MOXD1: variants seen among roughly 807,000 people sequenced by gnomAD.
The protein encoded by MOXD1 is monooxygenase DBH like 1.
Under a neutral mutation model 66.6 loss-of-function variants are expected in MOXD1, and 62 were observed. The observed-to-expected ratio is 0.93, with a 90% CI of 0.76 to 1.15. The LOEUF (loss-of-function observed/expected upper bound fraction) is 1.15, where lower values mean the gene tolerates loss of function less well. Among genes scored for constraint, MOXD1 ranks in the 50% most tolerant of loss-of-function variants. The pLI, the probability that MOXD1 is intolerant of heterozygous loss-of-function variation, is 0.00. For missense variants in MOXD1, 847 were observed against 754.6 expected (o/e 1.12, Z -1.44); for synonymous variants, 303 against 281.9 (o/e 1.07, Z -0.75).
rs1376439329 is a variant in MOXD1 at position 132,320,703 on chromosome 6, C to G, written c.1306-15G>C. ...AGGTTATCTCCCTGAAACATAAAAGCAAAAGCTTTCAGATTGAAGTTTTAT... is the reference window on the plus strand; with the variant it reads ...AGGTTATCTCCCTGAAACATAAAAGGAAAAGCTTTCAGATTGAAGTTTTAT... On this transcript the variant is annotated splice_polypyrimidine_tract_variant and intron_variant, in intron 8 of 11. Coordinates refer to ENST00000367963, the MANE Select transcript of MOXD1 (RefSeq NM_015529.4). The G allele has an allele frequency of 1.9e-6, 3 of 1,602,530 alleles. No homozygotes were observed. The highest frequency in any genetic ancestry group is 4.5e-5 in the East Asian group (2 of 44,672).
At chr6:132,391,261 T>G (rs1238837034) in intron 1 of MOXD1, 1 of 143,174 alleles carries the variant, frequency 7.0e-6, no homozygotes, top group African/African-American at 2.4e-5. Flanking sequence ...TTTCTCACAA[T>G]GTTTGGCTAA....
At chr6:132,366,824 TA>T (rs1299143582) in intron 4 of MOXD1, among the ~76,000 whole-genome samples, 1 of 152,138 alleles carries the variant, frequency 6.6e-6, no homozygotes, top group Non-Finnish European at 1.5e-5. Context: ...ACGTTCATGT[TA>T]GGTGCCTACT....
chr6:132,299,482 A>G (rs926233689), intron 10 of MOXD1, among the ~76,000 whole-genome samples: 4 of 151,950 alleles, frequency 2.6e-5, no homozygotes, highest in Admixed American at 1.3e-4. Flanking sequence ...TATAGAATAC[A>G]CTCTGCCTTC....
intron 1 of MOXD1, among the ~76,000 whole-genome samples, chr6:132,386,706 A>T (rs1334449755): frequency 1.3e-5 from 2 of 151,466 alleles, no homozygotes; most frequent in Non-Finnish European, 3.0e-5. Flanking sequence ...CCAAAGGAGA[A>T]TTTGTCTCAA....
intron 1 of MOXD1, among the ~76,000 whole-genome samples, chr6:132,385,684 A>G (rs1035834012): frequency 6.6e-6 from 1 of 151,802 alleles, no homozygotes; most frequent in Non-Finnish European, 1.5e-5. Flanking sequence ...GGGTTTCACC[A>G]TGTTGGCCAG....
chr6:132,349,484 T>C (rs200229470), intron 4 of MOXD1, among the ~76,000 whole-genome samples: 3,784 of 29,778 alleles, frequency 0.13, 1,005 homozygotes, highest in African/African-American at 0.3. Flanking sequence ...TATATATACA[T>C]ATATATATAT....
intron 4 of MOXD1, among the ~76,000 whole-genome samples, chr6:132,340,367 G>A (rs371075106): frequency 2.0e-5 from 3 of 151,688 alleles, no homozygotes; most frequent in Non-Finnish European, 2.9e-5. Flanking sequence ...GAAGGCTGAG[G>A]TGACTACTCA....
chr6:132,323,810 G>T, intron 7 of MOXD1, 121 bp downstream of exon 7: 2 of 1,129,568 alleles, frequency 1.8e-6, no homozygotes, highest in Admixed American at 2.8e-5. Context: ...TGCGATAAGG[G>T]TTTCACAGTG....
chr6:132,307,901 C>A (rs1398195805), intron 10 of MOXD1, among the ~76,000 whole-genome samples: 1 of 151,968 alleles, frequency 6.6e-6, no homozygotes, highest in Non-Finnish European at 1.5e-5. Flanking sequence ...ACTAAATCCC[C>A]ACATCAGAAA....
At position 132,401,190 on chromosome 6, in the gene MOXD1, CCCG is replaced by C. The variant is rs1777017831; in HGVS notation, c.234_236del (p.Gly79del). 6.5e-7 allele frequency: 1 copy of C among 1,544,272 alleles called. No homozygotes were observed. The highest frequency in any genetic ancestry group is 1.4e-5 in the African/African-American group (1 of 72,420). ...GGAGGTAGGGCCGCCCGTGGGCCAC[CCCG>C]CCCACGACGATGTCGGCGGACGCCA... On this transcript the variant is annotated inframe_deletion, in exon 1 of 12. Coordinates refer to ENST00000367963, the MANE Select transcript of MOXD1 (RefSeq NM_015529.4).
chr6:132,315,859 A>G lies in MOXD1; in HGVS notation c.1366-82T>C, dbSNP rs1026225623. ...AGCACACAAGTCATTAATGTCATAC[A>G]GTTCCTTCCAATATTAAAATTTAAT... is the stretch of plus-strand genomic sequence containing the variant. On this transcript the variant is annotated intron_variant, in intron 9 of 11. Coordinates refer to ENST00000367963, the MANE Select transcript of MOXD1 (RefSeq NM_015529.4). The G allele has an allele frequency of 2.9e-6, 4 of 1,365,370 alleles. No homozygotes were observed. The African/African-American group carries it at 4.5e-5, about 15-fold the overall frequency. The allele number at this position is 1,365,370 out of a possible 1,614,324, so 84.6% of individuals were successfully genotyped here. A position where few individuals can be genotyped will look rare whatever the true frequency, so the allele number is the denominator to read the frequency against.
chr6:132,353,293 T>G (rs115095272), intron 4 of MOXD1, among the ~76,000 whole-genome samples: 1,922 of 152,308 alleles, frequency 0.013, 47 homozygotes, highest in African/African-American at 0.044. Flanking sequence ...TCTGTTTTGA[T>G]GTGTTTCTGG....
At chr6:132,337,428 A>C (rs903523726) in intron 4 of MOXD1, among the ~76,000 whole-genome samples, 1 of 152,244 alleles carries the variant, frequency 6.6e-6, no homozygotes, top group African/African-American at 2.4e-5. Flanking sequence ...TAAGTTAAAA[A>C]TAGTTACTTC....
At chr6:132,304,055 G>C (rs1020008019) in intron 10 of MOXD1, among the ~76,000 whole-genome samples, 1 of 151,312 alleles carries the variant, frequency 6.6e-6, no homozygotes, top group Non-Finnish European at 1.5e-5. Flanking sequence ...ACCCCCAATA[G>C]GGTTTGAATG....
At chr6:132,360,922 G>A (rs967483100) in intron 4 of MOXD1, among the ~76,000 whole-genome samples, 4 of 152,258 alleles carry the variant, frequency 2.6e-5, no homozygotes, top group Middle Eastern at 3.4e-3. Flanking sequence ...ATAAACCAAA[G>A]TGTCTCTCCT....
At chr6:132,328,643 A>G in intron 4 of MOXD1, 49 bp from the exon 5 acceptor site, 1 of 1,495,920 alleles carries the variant, frequency 6.7e-7, no homozygotes, top group Non-Finnish European at 9.2e-7. Flanking sequence ...AGACCACCCT[A>G]CAACATCCCA....
chr6:132,354,846 G>A (rs1337595950), intron 4 of MOXD1, among the ~76,000 whole-genome samples: 1 of 152,102 alleles, frequency 6.6e-6, no homozygotes, highest in African/African-American at 2.4e-5. Flanking sequence ...TGTGGGGAAT[G>A]GGGGTGAGGT....
rs79276614 is a variant in MOXD1 at position 132,392,250 on chromosome 6, T to A, written c.264+8913A>T. 9,325 of 1,603,976 alleles carry A rather than the reference T, an allele frequency of 5.8e-3. 492 individuals are homozygous for A. In the African/African-American group the frequency reaches 0.11, roughly 19 times the overall value. On this transcript the variant is annotated intron_variant, in intron 1 of 11. Coordinates refer to ENST00000367963, the MANE Select transcript of MOXD1 (RefSeq NM_015529.4). Reference sequence around the variant, plus strand: ...GGCCCGGCAGCAATTACCCTGCTGCTGAAGACACTTCGCATCACAGGCCTC... The same window carrying A: ...GGCCCGGCAGCAATTACCCTGCTGCAGAAGACACTTCGCATCACAGGCCTC...
intron 10 of MOXD1, among the ~76,000 whole-genome samples, chr6:132,299,144 A>G (rs558311818): frequency 2.6e-5 from 4 of 152,202 alleles, no homozygotes; most frequent in East Asian, 1.9e-4. Flanking sequence ...GTGCATCTGG[A>G]GGCCATCATC....
Sources: gnomAD v4.1 joint callset for allele counts (sites outside exome capture counted in the v4.1 genomes callset) on GRCh38, gnomAD v4.1.1 for gene constraint, MANE v1.5 for transcripts, NCBI Gene and HGNC (gene_info 2026-07-23, HGNC 2026-07-21) for gene names.